EIF5B: variants seen among roughly 807,000 people sequenced by gnomAD.
The protein encoded by EIF5B is eIF-5B.
EIF5B carries 47 observed loss-of-function variants against 147.5 expected under a neutral mutation model. That is an observed-to-expected ratio of 0.32 (90% CI 0.25 to 0.41). The LOEUF is 0.41. Among genes scored for constraint, EIF5B ranks in the 10% least tolerant of loss-of-function variants. The probability of loss-of-function intolerance (pLI) is 1.00; values close to 1 mark genes in which losing one functional copy is unlikely to be tolerated. For synonymous variants in EIF5B, 455 were observed against 456.2 expected, an observed-to-expected ratio of 1.00 and a Z score of 0.03; for missense variants, 1,064 against 1,413.2, an observed-to-expected ratio of 0.75 and a Z score of 3.96.
intron 9 of EIF5B, among the ~76,000 whole-genome samples, chr2:99,375,901 TATTTCAGGTTTTTCCG>T (rs1674555795): frequency 6.6e-6 from 1 of 152,204 alleles, no homozygotes; most frequent in Non-Finnish European, 1.5e-5. Context: ...GAGCATTTCG[TATTTCAGGTTTTTCCG>T]ATTTCAGATG....
At chr2:99,367,101 A>G (rs1003798812) in intron 6 of EIF5B, among the ~76,000 whole-genome samples, 1 of 152,250 alleles carries the variant, frequency 6.6e-6, no homozygotes, top group African/African-American at 2.4e-5. Flanking sequence ...ACATAGGAGG[A>G]TATCTTGTGT....
chr2:99,339,686 C>A (rs1242092622), intron 1 of EIF5B, among the ~76,000 whole-genome samples: 1 of 152,076 alleles, frequency 6.6e-6, no homozygotes, highest in Non-Finnish European at 1.5e-5. Flanking sequence ...TCCCTACTTA[C>A]ACTTTTTACT....
rs1217990752 is a variant in EIF5B at position 99,400,006 on chromosome 2, T to A, written c.*592T>A. 1 of 152,528 alleles carries A rather than the reference T, an allele frequency of 6.6e-6. No homozygotes were observed. The highest frequency in any genetic ancestry group is 2.4e-5 in the African/African-American group (1 of 41,434). 9.4% of individuals were successfully genotyped at this position (152,528 alleles called of 1,614,324 possible). A position where few individuals can be genotyped will look rare whatever the true frequency, so the allele number is the denominator to read the frequency against. On this transcript the variant is annotated 3_prime_UTR_variant, in exon 24 of 24. Coordinates refer to ENST00000289371, the MANE Select transcript of EIF5B (RefSeq NM_015904.4). ...TTTTTACTGCTTGTGTAGTCACGAGTCCATTGTAATCATCACAATTCTAAA... is the reference window on the plus strand; with the variant it reads ...TTTTTACTGCTTGTGTAGTCACGAGACCATTGTAATCATCACAATTCTAAA...
chr2:99,395,487 C>T (rs1675024248), intron 21 of EIF5B, among the ~76,000 whole-genome samples: 1 of 152,232 alleles, frequency 6.6e-6, no homozygotes, highest in Non-Finnish European at 1.5e-5. Context: ...GCTCACACCA[C>T]TATGCCTGGC....
chr2:99,368,392 G>A (rs1035010453), intron 6 of EIF5B, 101 bp from the exon 7 acceptor site: 3 of 807,416 alleles, frequency 3.7e-6, no homozygotes, highest in South Asian at 1.6e-5. Flanking sequence ...ATATTTTAGG[G>A]TATGTGTCTC....
intron 18 of EIF5B, among the ~76,000 whole-genome samples, chr2:99,393,943 G>A (rs1487787196): frequency 2.6e-5 from 4 of 152,144 alleles, no homozygotes; most frequent in African/African-American, 9.7e-5. Context: ...CGTTTATGTG[G>A]TACTTTTTTA....
At chr2:99,337,612 C>A in intron 1 of EIF5B, 23 bp downstream of exon 1, 1 of 1,600,228 alleles carries the variant, frequency 6.2e-7, no homozygotes, top group East Asian at 2.2e-5. Flanking sequence ...TGGGTCCGTA[C>A]GGCGGCGGCC....
In EIF5B at chr2:99,361,392, C is replaced by G; in HGVS notation, c.491C>G (p.Ser164Ter). ...AAATCAAATAAGAAGTGGGATGGGT[C>G]AGAGGAGGATGAGGATAACAGTAAA... ...AQKSNKKWDG[S>*]EEDEDNSKKI... Residue 164 changes from serine to a stop codon, truncating the protein, a stop_gained, in exon 4 of 24, where the codon TCA (serine) becomes TGA (stop). Transcript: ENST00000289371. LOFTEE classifies it high-confidence loss of function. 1 of 1,613,528 alleles carries G rather than the reference C, an allele frequency of 6.2e-7. No homozygotes were observed. Among genetic ancestry groups the G allele is most frequent in the Non-Finnish European group, 8.5e-7 (1 of 1,179,954 alleles).
chr2:99,347,041 T>C (rs1362825456), intron 1 of EIF5B, among the ~76,000 whole-genome samples: 1 of 152,218 alleles, frequency 6.6e-6, no homozygotes, highest in African/African-American at 2.4e-5. Flanking sequence ...AATCCCACCC[T>C]GTCGCCCAGG....
intron 1 of EIF5B, chr2:99,338,389 TTC>T (rs1295670914): frequency 8.0e-7 from 1 of 1,246,568 alleles, no homozygotes; most frequent in East Asian, 5.6e-5. Context: ...AAGAGTTGAC[TTC>T]CTGGGAGTGA....
intron 1 of EIF5B, among the ~76,000 whole-genome samples, chr2:99,342,225 G>C (rs892760407): frequency 6.6e-6 from 1 of 151,898 alleles, no homozygotes; most frequent in East Asian, 1.9e-4. Flanking sequence ...AACAATTTGA[G>C]ATTTTTCCTT....
At chr2:99,382,026 A>C (rs1674700279) in intron 12 of EIF5B, 133 bp from the exon 13 acceptor site, 21 of 629,742 alleles carry the variant, frequency 3.3e-5, no homozygotes, top group Non-Finnish European at 5.2e-5. Context: ...TGGTTAACTC[A>C]CTGTTTCTAA....
chr2:99,386,468 C>CGTGTGTGTGTGTGT lies in EIF5B; in HGVS notation c.2272-3227_2272-3214dup, dbSNP rs61494312. Among the ~76,000 whole-genome samples, 3 of 142,482 alleles carry CGTGTGTGTGTGTGT rather than the reference C, an allele frequency of 2.1e-5. No individual in the cohort carries two copies. The South Asian group carries it at 6.9e-4, about 33-fold the overall frequency. 93.5% of individuals were successfully genotyped at this position (142,482 alleles called of 152,430 possible). A position where few individuals can be genotyped will look rare whatever the true frequency, so the allele number is the denominator to read the frequency against. On this transcript the variant is annotated intron_variant, in intron 14 of 23. Coordinates refer to ENST00000289371, the MANE Select transcript of EIF5B (RefSeq NM_015904.4). ...TTTTCATTTTCTTTGTTTTGTTTTG[C>CGTGTGTGTGTGTGT]GTGTGTGTGTGTGTGTGTGTGTGTG...
intron 4 of EIF5B, 73 bp from the exon 5 acceptor site, chr2:99,363,572 T>C: frequency 5.5e-6 from 8 of 1,444,310 alleles, no homozygotes; most frequent in Non-Finnish European, 7.5e-6. Flanking sequence ...TGAATTGTGG[T>C]TGGGTTTTGC....
rs559453452 is a variant in EIF5B at position 99,344,467 on chromosome 2, C to T, written c.35+6878C>T. On this transcript the variant is annotated intron_variant, in intron 1 of 23. Coordinates refer to ENST00000289371, the MANE Select transcript of EIF5B (RefSeq NM_015904.4). ...GTTTTTTTTTTTTGAGACGAAGTCT[C>T]ACTCTGTCACCCAGGCTGGAGTACA... is the stretch of plus-strand genomic sequence containing the variant. 2.3e-3 allele frequency among the ~76,000 whole-genome samples: 340 copies of T among 150,868 alleles called. 4 individuals are homozygous for T. Among genetic ancestry groups the T allele is most frequent in the African/African-American group, 8.1e-3 (332 of 41,120 alleles).
At chr2:99,376,022 C>G (rs1187246472) in intron 9 of EIF5B, among the ~76,000 whole-genome samples, 1 of 152,210 alleles carries the variant, frequency 6.6e-6, no homozygotes, top group African/African-American at 2.4e-5. Flanking sequence ...CAGGCATTAT[C>G]TCCTCCCCTT....
intron 15 of EIF5B, 117 bp downstream of exon 15, chr2:99,389,966 A>C (rs1674889031): frequency 2.9e-6 from 4 of 1,362,556 alleles, no homozygotes; most frequent in East Asian, 2.4e-5. Flanking sequence ...GACAGCAATT[A>C]CTTTTTTTAA....
chr2:99,359,201 A>C (rs957307679), intron 1 of EIF5B, among the ~76,000 whole-genome samples: 6 of 123,076 alleles, frequency 4.9e-5, no homozygotes, highest in African/African-American at 1.7e-4. Flanking sequence ...TCTCTACTTA[A>C]AATACAAAAA....
At chr2:99,353,773 A>G (rs148469026) in intron 1 of EIF5B, among the ~76,000 whole-genome samples, 14 of 152,334 alleles carry the variant, frequency 9.2e-5, no homozygotes, top group African/African-American at 3.4e-4. Flanking sequence ...AATGGAATTA[A>G]GTATATATAT....
Sources: gnomAD v4.1 joint callset for allele counts (sites outside exome capture counted in the v4.1 genomes callset) on GRCh38, gnomAD v4.1.1 for gene constraint, MANE v1.5 for transcripts, NCBI Gene and HGNC (gene_info 2026-07-23, HGNC 2026-07-21) for gene names.